Variants in NRXN3 observed in about 807,000 individuals in gnomAD.
NRXN3 encodes neurexin 3.
In NRXN3, 32 loss-of-function variants were observed where a neutral mutation model predicts 137.6. The observed-to-expected ratio is 0.23, with a 90% CI of 0.18 to 0.31. NRXN3 has a LOEUF of 0.31. Among genes scored for constraint, NRXN3 ranks in the 10% least tolerant of loss-of-function variants. NRXN3 has a pLI of 1.00. For missense variants in NRXN3, 1,574 were observed against 2,062.5 expected (o/e 0.76, Z 4.59); for synonymous variants, 798 against 784.5 (o/e 1.02, Z -0.29).
chr14:79,234,211 G>T (rs1395340039), intron 15 of NRXN3, among the ~76,000 whole-genome samples: 2 of 146,526 alleles, frequency 1.4e-5, no homozygotes, highest in Non-Finnish European at 3.0e-5. Flanking sequence ...TTAGACTGCT[G>T]GTTCCCAAAA....
At chr14:78,936,206 A>G (rs1439942180) in intron 10 of NRXN3, among the ~76,000 whole-genome samples, 1 of 152,150 alleles carries the variant, frequency 6.6e-6, no homozygotes, top group Non-Finnish European at 1.5e-5. Context: ...ACTGTGGTTC[A>G]TCTTCTGGCT....
chr14:78,908,602 A>T (rs893556128), intron 10 of NRXN3, among the ~76,000 whole-genome samples: 17 of 152,108 alleles, frequency 1.1e-4, no homozygotes, highest in Admixed American at 2.6e-4. Context: ...TTATGAAAAA[A>T]ACTGGGCATC....
rs149763548 is a variant in NRXN3 at position 78,259,897 on chromosome 14, T to G, written c.709+16095T>G. On this transcript the variant is annotated intron_variant, in intron 2 of 20. Transcript: ENST00000335750. The stretch of plus-strand genomic sequence containing the variant: ...CTAGCGTAAGTCAGAACGGGGAGCC[T>G]AGGGAGGAGGGGCAACGCCTTCATT... Among the ~76,000 whole-genome samples, 137 of 152,126 alleles carry G rather than the reference T, an allele frequency of 9.0e-4. 1 individual carries two copies. The highest frequency in any genetic ancestry group is 7.1e-3 in the South Asian group (34 of 4,816).
intron 4 of NRXN3, among the ~76,000 whole-genome samples, chr14:78,547,034 A>T (rs1308439147): frequency 6.6e-6 from 1 of 152,058 alleles, no homozygotes; most frequent in Non-Finnish European, 1.5e-5. Flanking sequence ...ACTGAATTAC[A>T]TTACTTTTCT....
At chr14:79,849,776 A>G (rs1358174546) in intron 20 of NRXN3, among the ~76,000 whole-genome samples, 1 of 152,226 alleles carries the variant, frequency 6.6e-6, no homozygotes, top group Non-Finnish European at 1.5e-5. Flanking sequence ...AAAGGAAATT[A>G]CCATCTTGTA....
intron 16 of NRXN3, among the ~76,000 whole-genome samples, chr14:79,635,813 A>G (rs2098399526): frequency 6.6e-6 from 1 of 152,196 alleles, no homozygotes; most frequent in Non-Finnish European, 1.5e-5. Context: ...AGGAAACTCA[A>G]AATCATGGTG....
intron 16 of NRXN3, among the ~76,000 whole-genome samples, chr14:79,484,833 T>C (rs904698829): frequency 6.6e-6 from 1 of 152,224 alleles, no homozygotes; most frequent in Non-Finnish European, 1.5e-5. Context: ...CTCAGAAACA[T>C]CTGGGGCCCA....
At chr14:78,267,135 CAGGGAATT>C (rs1219090655) in intron 2 of NRXN3, among the ~76,000 whole-genome samples, 2 of 152,182 alleles carry the variant, frequency 1.3e-5, no homozygotes, top group African/African-American at 4.8e-5. Flanking sequence ...AATCAAAGAA[CAGGGAATT>C]AGTATGTGCT....
intron 4 of NRXN3, among the ~76,000 whole-genome samples, chr14:78,554,930 A>G (rs962422877): frequency 5.3e-5 from 8 of 152,138 alleles, no homozygotes; most frequent in Non-Finnish European, 8.8e-5. Flanking sequence ...TTGCCCTTCC[A>G]AATCCCTTAT....
intron 2 of NRXN3, among the ~76,000 whole-genome samples, chr14:78,264,445 A>G (rs1268096113): frequency 6.6e-6 from 1 of 152,182 alleles, no homozygotes; most frequent in African/African-American, 2.4e-5. Context: ...ACCAAAAAGG[A>G]AAAATCCTCT....
chr14:78,818,985 T>C (rs985985005), intron 10 of NRXN3, among the ~76,000 whole-genome samples: 3 of 152,142 alleles, frequency 2.0e-5, no homozygotes, highest in Admixed American at 1.3e-4. Flanking sequence ...TTTTTCACAA[T>C]GTGTGTGCAT....
At chr14:79,153,136 G>A (rs545247931) in intron 15 of NRXN3, among the ~76,000 whole-genome samples, 2 of 151,812 alleles carry the variant, frequency 1.3e-5, no homozygotes, top group East Asian at 1.9e-4. Flanking sequence ...TTGATTTTCC[G>A]GAAAAACTCA....
chr14:79,112,941 G>C (rs1294022241), intron 15 of NRXN3, among the ~76,000 whole-genome samples: 1 of 152,188 alleles, frequency 6.6e-6, no homozygotes, highest in African/African-American at 2.4e-5. Context: ...TTCCTACCTG[G>C]AGAGAATGGA....
intron 15 of NRXN3, among the ~76,000 whole-genome samples, chr14:79,423,673 A>T (rs1446653021): frequency 2.6e-5 from 4 of 152,174 alleles, no homozygotes; most frequent in Admixed American, 2.0e-4. Context: ...GGTTGCTCTC[A>T]TCGCCTCACA....
chr14:78,470,493 C>T (rs748234970), intron 4 of NRXN3, among the ~76,000 whole-genome samples: 1 of 151,996 alleles, frequency 6.6e-6, no homozygotes, highest in Non-Finnish European at 1.5e-5. Context: ...AGAGATACAC[C>T]TTTCCTTAAA....
At chr14:79,714,048 CCTTACATGTG>C (rs1252052494) in intron 19 of NRXN3, among the ~76,000 whole-genome samples, 1 of 152,092 alleles carries the variant, frequency 6.6e-6, no homozygotes, top group East Asian at 1.9e-4. Flanking sequence ...ATTTACTTTA[CCTTACATGTG>C]CTAGTTGGTA....
chr14:79,002,512 TC>T (rs2099543621), intron 15 of NRXN3, among the ~76,000 whole-genome samples: 4 of 152,178 alleles, frequency 2.6e-5, no homozygotes, highest in Admixed American at 2.6e-4. Context: ...AATAATGGCT[TC>T]CAGCTTCATC....
Position 78,854,566 on chromosome 14 carries a change from A to G in NRXN3, c.2275+44222A>G, listed in dbSNP as rs1312307888. 2.0e-5 allele frequency among the ~76,000 whole-genome samples: 3 copies of G among 152,140 alleles called. No individual in the cohort carries two copies. In the East Asian group the frequency reaches 5.8e-4, roughly 29 times the overall value. On this transcript the variant is annotated intron_variant, in intron 10 of 20. Coordinates refer to ENST00000335750, the MANE Select transcript of NRXN3 (RefSeq NM_001330195.2). ...ATTTATTGAGCACCTACAGTGTTAT[A>G]GTTATTTGCTTGCTAATTTGATTTT...
chr14:79,076,707 G>C (rs1370254748), intron 15 of NRXN3, among the ~76,000 whole-genome samples: 2 of 152,248 alleles, frequency 1.3e-5, no homozygotes, highest in Admixed American at 1.3e-4. Context: ...TAAGGGGAGG[G>C]AATAATCAAG....
Sources: allele counts gnomAD v4.1 joint callset (sites outside exome capture counted in the v4.1 genomes callset), GRCh38; gene constraint gnomAD v4.1.1; transcripts MANE v1.5; gene names NCBI Gene and HGNC (gene_info 2026-07-23, HGNC 2026-07-21).